The following UVRAG variants were observed in gnomAD, a reference collection of about 807,000 sequenced individuals.
The protein encoded by UVRAG is UV radiation resistance-associated gene protein.
In UVRAG, 19 loss-of-function variants were observed where a neutral mutation model predicts 78.0. The ratio of observed to expected loss-of-function variants is 0.24; its 90% CI spans 0.17 to 0.36. UVRAG has a LOEUF of 0.36. Among genes scored for constraint, UVRAG ranks in the 10% least tolerant of loss-of-function variants. The pLI is 1.00. For missense variants in UVRAG, 740 were observed against 853.8 expected (o/e 0.87, Z 1.66); for synonymous variants, 323 against 324.6 (o/e 1.00, Z 0.05).
chr11:75,912,001 C>A lies in UVRAG; in HGVS notation c.555C>A (p.Asn185Lys). ...CTATTCTTCTGCAGGTGGATCAGAA[C>A]TGTGTTCGCAATTCTTACGATGTCT... ...QKTILLQVDQ[N>K]CVRNSYDVFS... Residue 185 changes from asparagine to lysine, a missense_variant, in exon 6 of 15, where the codon AAC becomes AAA. Asn to Lys is a moderately conservative substitution (Grantham distance 94). Coordinates refer to ENST00000356136, the MANE Select transcript of UVRAG (RefSeq NM_003369.4). 6.2e-7 allele frequency: 1 copy of A among 1,613,488 alleles called. No homozygotes were observed. The highest frequency in any genetic ancestry group is 8.5e-7 in the Non-Finnish European group (1 of 1,179,670).
At chr11:75,910,736 T>C (rs1405340665) in intron 5 of UVRAG, among the ~76,000 whole-genome samples, 3 of 152,092 alleles carry the variant, frequency 2.0e-5, no homozygotes, top group Admixed American at 6.5e-5. Context: ...CTGAACTCAG[T>C]CTCCTCTGCC....
intron 6 of UVRAG, among the ~76,000 whole-genome samples, chr11:75,935,823 C>G (rs756878829): frequency 6.6e-6 from 1 of 152,108 alleles, no homozygotes; most frequent in Non-Finnish European, 1.5e-5. Flanking sequence ...ATAGTATGCC[C>G]ATGAAAACCA....
At chr11:75,926,999 G>A (rs1255570422) in intron 6 of UVRAG, among the ~76,000 whole-genome samples, 1 of 151,248 alleles carries the variant, frequency 6.6e-6, no homozygotes, top group African/African-American at 2.4e-5. Flanking sequence ...GCTAGTCATT[G>A]TTACCGCTGT....
chr11:75,992,980 C>T (rs1213191468), intron 8 of UVRAG, among the ~76,000 whole-genome samples: 1 of 152,260 alleles, frequency 6.6e-6, no homozygotes, highest in African/African-American at 2.4e-5. Context: ...GCACTTGGTG[C>T]TTATCTAGGT....
In UVRAG at chr11:75,983,492, C is replaced by G; in HGVS notation, c.805C>G (p.Gln269Glu). Reference sequence around the variant, plus strand: ...GGAGGTGGCATTACTGCATAAGCAACAAATTGCATTACAAGACAAAGGTGA... The same window carrying G: ...GGAGGTGGCATTACTGCATAAGCAAGAAATTGCATTACAAGACAAAGGTGA... ...GREVALLHKQ[Q>E]IALQDKGSAF... is the part of the protein sequence containing the mutation. Residue 269 changes from glutamine to glutamate, a missense_variant, in exon 8 of 15, where the codon CAA (glutamine) becomes GAA (glutamate). Transcript: ENST00000356136. 1 of 1,607,292 alleles carries G rather than the reference C, an allele frequency of 6.2e-7. No homozygotes were observed. Among genetic ancestry groups the G allele is most frequent in the Non-Finnish European group, 8.5e-7 (1 of 1,175,734 alleles).
intron 14 of UVRAG, among the ~76,000 whole-genome samples, chr11:76,119,268 T>G (rs1387527389): frequency 6.6e-6 from 1 of 152,194 alleles, no homozygotes; most frequent in East Asian, 1.9e-4. Context: ...GGCTTTCTGC[T>G]TCTAGCTTCT....
chr11:75,831,511 A>C (rs199615904), intron 1 of UVRAG, among the ~76,000 whole-genome samples: 3 of 139,152 alleles, frequency 2.2e-5, no homozygotes, highest in African/African-American at 8.4e-5. Context: ...AACAAAAAAA[A>C]AAAACAAAAC....
chr11:76,038,406 C>T (rs1172974197), intron 12 of UVRAG, among the ~76,000 whole-genome samples: 1 of 151,846 alleles, frequency 6.6e-6, no homozygotes, highest in Non-Finnish European at 1.5e-5. Context: ...AAACAACAGA[C>T]ATAACTATTT....
intron 12 of UVRAG, among the ~76,000 whole-genome samples, chr11:76,062,346 A>G (rs928835520): frequency 3.3e-5 from 5 of 152,154 alleles, no homozygotes; most frequent in African/African-American, 9.7e-5. Flanking sequence ...CGCTACATCC[A>G]CTGAATACAT....
At chr11:76,015,406 C>T (rs926035088) in intron 11 of UVRAG, among the ~76,000 whole-genome samples, 2 of 151,978 alleles carry the variant, frequency 1.3e-5, no homozygotes, top group African/African-American at 2.4e-5. Context: ...ACTGGTTAAT[C>T]GTGGAAGATT....
intron 13 of UVRAG, among the ~76,000 whole-genome samples, chr11:76,089,158 G>A (rs1014271672): frequency 6.6e-6 from 1 of 152,132 alleles, no homozygotes; most frequent in Non-Finnish European, 1.5e-5. Flanking sequence ...TTATAGATAT[G>A]CCTGGCTTTG....
At chr11:75,904,839 TA>T (rs1947582337) in intron 5 of UVRAG, among the ~76,000 whole-genome samples, 2 of 152,246 alleles carry the variant, frequency 1.3e-5, no homozygotes, top group South Asian at 4.1e-4. Flanking sequence ...TAAATGCATG[TA>T]AACATTACTT....
intron 1 of UVRAG, among the ~76,000 whole-genome samples, chr11:75,846,206 A>G (rs1946030204): frequency 6.6e-6 from 1 of 152,218 alleles, no homozygotes; most frequent in African/African-American, 2.4e-5. Flanking sequence ...CAGTTGAAGG[A>G]TGAGCCTTGA....
Position 76,140,964 on chromosome 11 carries a change from T to C in UVRAG, c.1651T>C (p.Leu551=). Residue 551 remains leucine (L), a synonymous_variant, in exon 15 of 15, where the codon TTG becomes CTG. Coordinates refer to ENST00000356136, the MANE Select transcript of UVRAG (RefSeq NM_003369.4). ...ERKITSLSSS[L]DTSLDFSKEN... is the part of the protein sequence containing the mutation. ...AAAGATAACATCTCTATCCTCCTCC[T>C]TGGATACCTCCTTGGACTTCTCCAA... 6.2e-7 allele frequency: 1 copy of C among 1,614,130 alleles called. No individual in the cohort carries two copies. The highest frequency in any genetic ancestry group is 8.5e-7 in the Non-Finnish European group (1 of 1,180,026).
At chr11:76,075,611 C>T (rs80231567) in intron 13 of UVRAG, among the ~76,000 whole-genome samples, 1 of 134,126 alleles carries the variant, frequency 7.5e-6, no homozygotes. Context: ...GACTGTGTCT[C>T]AAAAAAAAAA....
chr11:76,088,010 G>T (rs1292261314), intron 13 of UVRAG, among the ~76,000 whole-genome samples: 1 of 152,160 alleles, frequency 6.6e-6, no homozygotes, highest in Non-Finnish European at 1.5e-5. Flanking sequence ...GGGTCAGGTG[G>T]CTACTCCTAG....
chr11:76,131,600 C>T (rs1952513635), intron 14 of UVRAG, among the ~76,000 whole-genome samples: 2 of 152,174 alleles, frequency 1.3e-5, no homozygotes, highest in Admixed American at 1.3e-4. Context: ...GGTAGGAAAC[C>T]TTCCAAGCAA....
At chr11:75,872,841 T>G (rs1946683907) in intron 3 of UVRAG, among the ~76,000 whole-genome samples, 1 of 152,230 alleles carries the variant, frequency 6.6e-6, no homozygotes, top group Non-Finnish European at 1.5e-5. Context: ...ACAGGACTCT[T>G]GAGTTTCATG....
chr11:75,983,073 AACTT>A, intron 7 of UVRAG, among the ~76,000 whole-genome samples: 1 of 152,212 alleles, frequency 6.6e-6, no homozygotes, highest in African/African-American at 2.4e-5. Flanking sequence ...ACTTTTTGAG[AACTT>A]ACTTATTATT....
Sources: allele counts gnomAD v4.1 joint callset (sites outside exome capture counted in the v4.1 genomes callset), GRCh38; gene constraint gnomAD v4.1.1; transcripts MANE v1.5; gene names NCBI Gene and HGNC (gene_info 2026-07-23, HGNC 2026-07-21).